Variants in BMP6 observed in about 807,000 individuals in gnomAD.
BMP6 encodes bone morphogenetic protein 6, also known as VG-1-R.
In BMP6, 17 loss-of-function variants were observed where a neutral mutation model predicts 54.1. The ratio of observed to expected loss-of-function variants is 0.31; its 90% CI spans 0.22 to 0.47. The LOEUF (loss-of-function observed/expected upper bound fraction) is 0.47, where lower values mean the gene tolerates loss of function less well. BMP6 is among the 20% of genes least tolerant of loss of function. The probability of loss-of-function intolerance (pLI) is 1.00; values close to 1 mark genes in which losing one functional copy is unlikely to be tolerated. For missense variants in BMP6, 720 were observed against 690.4 expected (o/e 1.04, Z -0.48); for synonymous variants, 328 against 291.2 (o/e 1.13, Z -1.28).
chr6:7,756,182 C>T (rs1253226963), intron 1 of BMP6, among the ~76,000 whole-genome samples: 2 of 152,044 alleles, frequency 1.3e-5, no homozygotes, highest in Non-Finnish European at 2.9e-5. Context: ...TTATATCTCA[C>T]GCTTCAGTGT....
intron 1 of BMP6, among the ~76,000 whole-genome samples, chr6:7,830,145 A>AC (rs528588295): frequency 9.4e-4 from 141 of 150,234 alleles, no homozygotes; most frequent in Middle Eastern, 3.4e-3. Flanking sequence ...TGGCAAGAGC[A>AC]CCCCCCCTCT....
At chr6:7,814,094 G>A (rs1758487679) in intron 1 of BMP6, among the ~76,000 whole-genome samples, 1 of 152,164 alleles carries the variant, frequency 6.6e-6, no homozygotes, top group Non-Finnish European at 1.5e-5. Flanking sequence ...CATCTTCATA[G>A]CCAATAACAG....
At chr6:7,818,332 G>GAA (rs5874113) in intron 1 of BMP6, among the ~76,000 whole-genome samples, 3 of 151,862 alleles carry the variant, frequency 2.0e-5, no homozygotes, top group Admixed American at 2.0e-4. Context: ...GACTTGGGGT[G>GAA]AAAAAACAGA....
At chr6:7,876,631 TTAATG>T (rs1581294770) in intron 4 of BMP6, among the ~76,000 whole-genome samples, 2 of 152,240 alleles carry the variant, frequency 1.3e-5, no homozygotes, top group East Asian at 3.8e-4. Flanking sequence ...GATTATCTGT[TTAATG>T]TATAACTAAT....
At chr6:7,796,993 T>G (rs1758200439) in intron 1 of BMP6, among the ~76,000 whole-genome samples, 1 of 152,238 alleles carries the variant, frequency 6.6e-6, no homozygotes. Flanking sequence ...TCATGTGATT[T>G]AGGGTTTATT....
At chr6:7,879,873 G>C (rs1759685032) in intron 5 of BMP6, 118 bp from the exon 6 acceptor site, 1 of 1,028,272 alleles carries the variant, frequency 9.7e-7, no homozygotes, top group Non-Finnish European at 1.5e-6. Flanking sequence ...AAGCCTTCCT[G>C]CGTCTGTATC....
At chr6:7,809,759 G>A (rs1217131516) in intron 1 of BMP6, among the ~76,000 whole-genome samples, 1 of 152,196 alleles carries the variant, frequency 6.6e-6, no homozygotes, top group Non-Finnish European at 1.5e-5. Flanking sequence ...GTGCATGATT[G>A]AGTATGAATT....
intron 1 of BMP6, among the ~76,000 whole-genome samples, chr6:7,826,415 C>T (rs984161444): frequency 1.3e-5 from 2 of 152,174 alleles, no homozygotes; most frequent in African/African-American, 4.8e-5. Context: ...CTGGAGGGGC[C>T]TGGGGAAGTG....
chr6:7,869,557 C>T (rs965830301), intron 4 of BMP6, among the ~76,000 whole-genome samples: 3 of 152,194 alleles, frequency 2.0e-5, no homozygotes, highest in Non-Finnish European at 4.4e-5. Flanking sequence ...GTGCCCTGTC[C>T]TCACTGCACT....
At chr6:7,739,765 A>G (rs975068755) in intron 1 of BMP6, among the ~76,000 whole-genome samples, 1 of 151,988 alleles carries the variant, frequency 6.6e-6, no homozygotes, top group Non-Finnish European at 1.5e-5. Context: ...ATCCCCATCC[A>G]TCTGCTGAAA....
intron 1 of BMP6, among the ~76,000 whole-genome samples, chr6:7,824,783 A>G (rs910660044): frequency 6.6e-6 from 1 of 152,210 alleles, no homozygotes; most frequent in Non-Finnish European, 1.5e-5. Context: ...AGAACCTTAC[A>G]TTCAATTCTC....
intron 1 of BMP6, among the ~76,000 whole-genome samples, chr6:7,796,745 T>G (rs1246035146): frequency 6.6e-6 from 1 of 152,246 alleles, no homozygotes; most frequent in East Asian, 1.9e-4. Flanking sequence ...TAGTTTCATT[T>G]CATAAAATAT....
intron 1 of BMP6, among the ~76,000 whole-genome samples, chr6:7,757,404 A>T (rs1257597151): frequency 1.3e-5 from 2 of 151,896 alleles, no homozygotes; most frequent in Non-Finnish European, 2.9e-5. Context: ...TTCCATCTCT[A>T]CCTCGGCCAT....
intron 4 of BMP6, among the ~76,000 whole-genome samples, chr6:7,878,801 C>T (rs926809110): frequency 6.6e-6 from 1 of 152,248 alleles, no homozygotes; most frequent in African/African-American, 2.4e-5. Flanking sequence ...GCCTTGCATG[C>T]AGCAGGGCTC....
rs752215460 is a variant in BMP6 at position 7,862,292 on chromosome 6, G to T, written c.1007-9G>T. On this transcript the variant is annotated splice_polypyrimidine_tract_variant and intron_variant, in intron 3 of 6. Coordinates refer to ENST00000283147, the MANE Select transcript of BMP6 (RefSeq NM_001718.6). Reference sequence around the variant, plus strand: ...AATAAAGAGATGCATGCTTTGATTTGCATTAAAGGAGTCCACGTCCACCCC... The same window carrying T: ...AATAAAGAGATGCATGCTTTGATTTTCATTAAAGGAGTCCACGTCCACCCC... 5 of 1,613,922 alleles carry T rather than the reference G, an allele frequency of 3.1e-6. No homozygotes were observed. In the Middle Eastern group the frequency reaches 5.0e-4, roughly 161 times the overall value.
intron 2 of BMP6, among the ~76,000 whole-genome samples, chr6:7,860,893 T>C (rs1447669695): frequency 6.6e-6 from 1 of 152,208 alleles, no homozygotes; most frequent in Non-Finnish European, 1.5e-5. Context: ...AATGCTCATA[T>C]GGATCCTGAT....
rs142694848 is a variant in BMP6 at position 7,779,706 on chromosome 6, C to T, written c.664+52087C>T. 3.3e-5 allele frequency among the ~76,000 whole-genome samples: 5 copies of T among 152,266 alleles called. No individual in the cohort carries two copies. In the East Asian group the frequency reaches 9.6e-4, roughly 29 times the overall value. ...TCTTACATAGAACATTCTCTTGGCC[C>T]AAGTGTTCTCAGGTGCACTATTTCA... On this transcript the variant is annotated intron_variant, in intron 1 of 6. Coordinates refer to ENST00000283147, the MANE Select transcript of BMP6 (RefSeq NM_001718.6).
At chr6:7,809,373 T>C (rs986438539) in intron 1 of BMP6, among the ~76,000 whole-genome samples, 1 of 152,212 alleles carries the variant, frequency 6.6e-6, no homozygotes, top group African/African-American at 2.4e-5. Context: ...TGATTAGGGA[T>C]GTGCAAAATG....
At chr6:7,770,376 G>C (rs1001968082) in intron 1 of BMP6, among the ~76,000 whole-genome samples, 2 of 152,100 alleles carry the variant, frequency 1.3e-5, no homozygotes, top group Non-Finnish European at 2.9e-5. Context: ...AATCCCTTAA[G>C]GAATGACTGG....
Sources: gnomAD v4.1 joint callset for allele counts (sites outside exome capture counted in the v4.1 genomes callset) on GRCh38, gnomAD v4.1.1 for gene constraint, MANE v1.5 for transcripts, NCBI Gene and HGNC (gene_info 2026-07-23, HGNC 2026-07-21) for gene names.